The following RTKN2 variants were observed in gnomAD, a reference collection of about 807,000 sequenced individuals.
RTKN2 encodes rhotekin-2.
In RTKN2, 69 loss-of-function variants were observed where a neutral mutation model predicts 71.5. That is an observed-to-expected ratio of 0.96 (90% CI 0.79 to 1.18). The LOEUF is 1.18. Among genes scored for constraint, RTKN2 ranks in the 50% most tolerant of loss-of-function variants. RTKN2 has a pLI of 0.00. For synonymous variants in RTKN2, 236 were observed against 236.5 expected (o/e 1.00, Z 0.02); for missense variants, 724 against 719.7 (o/e 1.01, Z -0.07).
chr10:62,262,877 C>T lies in RTKN2; in HGVS notation c.61-56G>A. Reference sequence around the variant, plus strand: ...CAAAAACCCAAAATTACATCTTAACCCATAATAGATCGAAAATAGGTATCA... The same window carrying T: ...CAAAAACCCAAAATTACATCTTAACTCATAATAGATCGAAAATAGGTATCA... On this transcript the variant is annotated intron_variant, in intron 1 of 11. Coordinates refer to ENST00000373789, the MANE Select transcript of RTKN2 (RefSeq NM_145307.4). 1.1e-5 allele frequency: 13 copies of T among 1,153,856 alleles called. 1 individual carries two copies. In the South Asian group the frequency reaches 1.5e-4, roughly 13 times the overall value. The allele number at this position is 1,153,856 out of a possible 1,614,324, so 71.5% of individuals were successfully genotyped here.
chr10:62,242,331 G>A (rs1201373501), intron 3 of RTKN2, among the ~76,000 whole-genome samples: 1 of 151,872 alleles, frequency 6.6e-6, no homozygotes. Context: ...AATTAATTTG[G>A]GAACTGATAA....
Position 62,245,946 on chromosome 10 carries a change from T to C in RTKN2, c.316+53A>G, listed in dbSNP as rs530275471. On this transcript the variant is annotated intron_variant, in intron 3 of 11. Transcript: ENST00000373789. Reference sequence around the variant, plus strand: ...AGGGCATAAAACAAAATCCACCATGTAGTTACGTTATAGAATTTATTCAGC... The same window carrying C: ...AGGGCATAAAACAAAATCCACCATGCAGTTACGTTATAGAATTTATTCAGC... The C allele has an allele frequency of 6.3e-6, 7 of 1,104,178 alleles. No homozygotes were observed. The African/African-American group carries it at 9.5e-5, about 15-fold the overall frequency. 68.4% of individuals were successfully genotyped at this position (1,104,178 alleles called of 1,614,324 possible).
intron 6 of RTKN2, among the ~76,000 whole-genome samples, chr10:62,231,356 C>T (rs2132956949): frequency 6.6e-6 from 1 of 152,078 alleles, no homozygotes; most frequent in East Asian, 1.9e-4. Flanking sequence ...AGCTAAATTC[C>T]ACAATAAAAT....
At chr10:62,208,241 G>T (rs1052516368) in intron 9 of RTKN2, among the ~76,000 whole-genome samples, 7 of 151,844 alleles carry the variant, frequency 4.6e-5, no homozygotes, top group Admixed American at 2.6e-4. Context: ...ACTAGATCAG[G>T]ACTAGATTTA....
chr10:62,187,966 C>G (rs932850137), intron 8 of RTKN2, among the ~76,000 whole-genome samples: 1 of 152,238 alleles, frequency 6.6e-6, no homozygotes, highest in African/African-American at 2.4e-5. Flanking sequence ...CTGACCACAT[C>G]TGCCTTATTA....
At chr10:62,250,677 T>C (rs1436104982) in intron 2 of RTKN2, among the ~76,000 whole-genome samples, 1 of 152,224 alleles carries the variant, frequency 6.6e-6, no homozygotes, top group Admixed American at 6.5e-5. Context: ...TTGCCCAGGC[T>C]GAAGTGCAGT....
intron 3 of RTKN2, among the ~76,000 whole-genome samples, chr10:62,245,239 TGA>T (rs1842455383): frequency 6.6e-6 from 1 of 152,020 alleles, no homozygotes. Flanking sequence ...CATTAGGAAT[TGA>T]GAGAAAGGAA....
At chr10:62,215,770 A>AT (rs1348555911) in intron 9 of RTKN2, among the ~76,000 whole-genome samples, 1 of 151,926 alleles carries the variant, frequency 6.6e-6, no homozygotes, top group Non-Finnish European at 1.5e-5. Flanking sequence ...TTCTGTTTCA[A>AT]TTTTTCCATC....
At chr10:62,207,029 A>C (rs1841562444) in intron 9 of RTKN2, among the ~76,000 whole-genome samples, 1 of 152,056 alleles carries the variant, frequency 6.6e-6, no homozygotes, top group African/African-American at 2.4e-5. Flanking sequence ...AAATAAAATA[A>C]AATAAAAAGT....
rs200286258 is a variant in RTKN2, at chr10:62,265,574, T to TG, written c.61-2754dup. Reference sequence around the variant, plus strand: ...TGGTTTTCAATGTATTCTGAGCTGTTGGTTTTTTTTTTTTTCTTAAGGCTA... The same window carrying TG: ...TGGTTTTCAATGTATTCTGAGCTGTTGGGTTTTTTTTTTTTTCTTAAGGCTA... On this transcript the variant is annotated intron_variant, in intron 1 of 11. Transcript: ENST00000373789. 9.0e-3 allele frequency among the ~76,000 whole-genome samples: 491 copies of TG among 54,724 alleles called. 3 individuals carry two copies. The highest frequency in any genetic ancestry group is 0.025 in the African/African-American group (475 of 19,262). The allele number at this position is 54,724 out of a possible 152,430, so 35.9% of individuals were successfully genotyped here.
At chr10:62,266,297 G>A (rs1842867401) in intron 1 of RTKN2, among the ~76,000 whole-genome samples, 1 of 152,042 alleles carries the variant, frequency 6.6e-6, no homozygotes, top group Non-Finnish European at 1.5e-5. Context: ...CTTTATTGTT[G>A]GTATTAAAAA....
At position 62,249,354 on chromosome 10, in the gene RTKN2, G is replaced by T. The variant is rs1467882578; in HGVS notation, c.258-3297C>A. Among the ~76,000 whole-genome samples the T allele has an allele frequency of 2.9e-5, 4 of 139,046 alleles. No individual in the cohort carries two copies. In the East Asian group the frequency reaches 9.7e-4, roughly 34 times the overall value. 91.2% of individuals were successfully genotyped at this position (139,046 alleles called of 152,430 possible). Reference sequence around the variant, plus strand: ...ATTTCAGAAGTAGGTCAAGAAGAATGAACTGGGTTGAGCAGGGGTTGCGGG... The same window carrying T: ...ATTTCAGAAGTAGGTCAAGAAGAATTAACTGGGTTGAGCAGGGGTTGCGGG... On this transcript the variant is annotated intron_variant, in intron 2 of 11. Transcript: ENST00000373789.
chr10:62,266,163 T>C (rs1340775264), intron 1 of RTKN2, among the ~76,000 whole-genome samples: 1 of 152,218 alleles, frequency 6.6e-6, no homozygotes, highest in Non-Finnish European at 1.5e-5. Flanking sequence ...GATAAAAATA[T>C]ATGGACAAGG....
At chr10:62,246,405 C>T (rs1315084985) in intron 2 of RTKN2, among the ~76,000 whole-genome samples, 1 of 152,018 alleles carries the variant, frequency 6.6e-6, no homozygotes, top group African/African-American at 2.4e-5. Flanking sequence ...ATCACAATTT[C>T]ATATATTACA....
rs12780213 is a variant in RTKN2, at chr10:62,195,499, T to C, written c.*2409A>G. The C allele has an allele frequency of 2.3e-6, 2 of 882,648 alleles. No homozygotes were observed. Among genetic ancestry groups the C allele is most frequent in the Non-Finnish European group, 1.4e-6 (1 of 738,382 alleles). 54.7% of individuals were successfully genotyped at this position (882,648 alleles called of 1,614,324 possible). A position where few individuals can be genotyped will look rare whatever the true frequency, so the allele number is the denominator to read the frequency against. ...GGAGGAAGGAGAGACAGAAGGAAAGTGGGAAAAGGGGATGAGACAGAGAGA... is the reference window on the plus strand; with the variant it reads ...GGAGGAAGGAGAGACAGAAGGAAAGCGGGAAAAGGGGATGAGACAGAGAGA... On this transcript the variant is annotated 3_prime_UTR_variant, in exon 12 of 12. Transcript: ENST00000373789.
intron 2 of RTKN2, among the ~76,000 whole-genome samples, chr10:62,251,022 A>C (rs1486730883): frequency 1.3e-5 from 2 of 152,196 alleles, no homozygotes; most frequent in African/African-American, 4.8e-5. Context: ...CCCTTTGTCC[A>C]GTGTATCCAT....
At chr10:62,240,293 C>T (rs2133002585) in intron 4 of RTKN2, among the ~76,000 whole-genome samples, 1 of 148,996 alleles carries the variant, frequency 6.7e-6, no homozygotes. Flanking sequence ...CATGAGAACA[C>T]AAAAAACATA....
chr10:62,256,021 TC>T (rs1261282030), intron 2 of RTKN2, among the ~76,000 whole-genome samples: 3 of 91,104 alleles, frequency 3.3e-5, no homozygotes, highest in Non-Finnish European at 4.7e-5. Context: ...AAATCTAGAC[TC>T]TTTTTTTTTT....
intron 9 of RTKN2, among the ~76,000 whole-genome samples, chr10:62,216,751 T>C (rs561879722): frequency 6.6e-6 from 1 of 152,232 alleles, no homozygotes; most frequent in South Asian, 2.1e-4. Flanking sequence ...TGTCTTTTTA[T>C]GGCTTCATTT....
Sources: gnomAD v4.1 joint callset for allele counts (sites outside exome capture counted in the v4.1 genomes callset) on GRCh38, gnomAD v4.1.1 for gene constraint, MANE v1.5 for transcripts, NCBI Gene and HGNC (gene_info 2026-07-23, HGNC 2026-07-21) for gene names.